The following LYN variants were observed in gnomAD, a reference collection of about 807,000 sequenced individuals.
LYN encodes the protein tyrosine-protein kinase Lyn.
In LYN, 12 loss-of-function variants were observed where a neutral mutation model predicts 65.0. The observed-to-expected ratio is 0.18, with a 90% CI of 0.12 to 0.30. LYN has a LOEUF of 0.30. Among genes scored for constraint, LYN ranks in the 10% least tolerant of loss-of-function variants. The pLI, the probability that LYN is intolerant of heterozygous loss-of-function variation, is 1.00. For missense variants in LYN, 380 were observed against 623.2 expected (o/e 0.61, Z 4.16); for synonymous variants, 222 against 221.2 (o/e 1.00, Z -0.03).
At chr8:56,005,346 C>T in intron 12 of LYN, among the ~76,000 whole-genome samples, 1 of 152,224 alleles carries the variant, frequency 6.6e-6, no homozygotes, top group East Asian at 1.9e-4. Flanking sequence ...ACACTTTCCC[C>T]ACCTCCACTT....
Position 55,909,639 on chromosome 8 carries a change from T to C in LYN, c.-6+29536T>C, listed in dbSNP as rs118170575. Among the ~76,000 whole-genome samples the C allele has an allele frequency of 3.8e-3, 584 of 152,360 alleles. 1 individual carries two copies. Among genetic ancestry groups the C allele is most frequent in the South Asian group, 7.0e-3 (34 of 4,828 alleles). On this transcript the variant is annotated intron_variant, in intron 1 of 12. Coordinates refer to ENST00000519728, the MANE Select transcript of LYN (RefSeq NM_002350.4). ...CCCAGCAGTGAGATTGCTGCATCAA[T>C]GGTAGTTCCAGTTTTCATTATTTGA... is the stretch of plus-strand genomic sequence containing the variant.
intron 1 of LYN, among the ~76,000 whole-genome samples, chr8:55,885,693 TATCTC>T (rs1804771771): frequency 6.6e-6 from 1 of 152,172 alleles, no homozygotes; most frequent in African/African-American, 2.4e-5. Flanking sequence ...TGGAGAAGCT[TATCTC>T]AGAGAGGCTC....
chr8:56,002,280 G>A (rs189096754), intron 12 of LYN, among the ~76,000 whole-genome samples: 11 of 152,224 alleles, frequency 7.2e-5, no homozygotes, highest in East Asian at 1.9e-4. Context: ...TTAGCCAGGC[G>A]TGGTGGCAGG....
At chr8:55,942,140 C>T in intron 2 of LYN, 149 bp downstream of exon 2, 1 of 806,256 alleles carries the variant, frequency 1.2e-6, no homozygotes, top group Non-Finnish European at 1.9e-6. Context: ...GTAACTTTAT[C>T]CTTTGAAGAA....
chr8:56,006,376 G>A (rs74384455), intron 12 of LYN, among the ~76,000 whole-genome samples: 4,139 of 152,206 alleles, frequency 0.027, 181 homozygotes, highest in African/African-American at 0.093. Flanking sequence ...TGTACTCCCA[G>A]GGTATCTAGC....
chr8:55,887,559 T>A (rs1251826708), intron 1 of LYN, among the ~76,000 whole-genome samples: 1 of 110,484 alleles, frequency 9.1e-6, no homozygotes, highest in African/African-American at 3.7e-5. Context: ...AAAATATAAA[T>A]ATATATATAT....
In LYN at chr8:55,980,938, C is replaced by T. The variant is rs562517911; in HGVS notation, c.1050+11145C>T. Among the ~76,000 whole-genome samples the T allele has an allele frequency of 9.2e-5, 14 of 152,324 alleles. No individual in the cohort carries two copies. In the East Asian group the frequency reaches 9.6e-4, roughly 10 times the overall value. Reference sequence around the variant, plus strand: ...TTGCCCACTCAATGCCAGCTCCCCGCGGCCGCTTGCTAGCCCCTGGCCACC... The same window carrying T: ...TTGCCCACTCAATGCCAGCTCCCCGTGGCCGCTTGCTAGCCCCTGGCCACC... On this transcript the variant is annotated intron_variant, in intron 10 of 12. Coordinates refer to ENST00000519728, the MANE Select transcript of LYN (RefSeq NM_002350.4).
At chr8:55,895,743 G>A (rs538266101) in intron 1 of LYN, 2 of 152,272 alleles carry the variant, frequency 1.3e-5, no homozygotes, top group South Asian at 4.1e-4. Flanking sequence ...AGTAATAACA[G>A]ATTTTTGTTT....
intron 12 of LYN, among the ~76,000 whole-genome samples, chr8:56,001,072 C>T (rs1338916428): frequency 1.3e-5 from 2 of 151,968 alleles, no homozygotes; most frequent in African/African-American, 4.8e-5. Flanking sequence ...TGGGGAGCTG[C>T]TGGTTTTATT....
chr8:55,908,497 A>C (rs998218181), intron 1 of LYN, among the ~76,000 whole-genome samples: 1 of 152,056 alleles, frequency 6.6e-6, no homozygotes, highest in African/African-American at 2.4e-5. Flanking sequence ...CGCCCACCTC[A>C]GCCTCCCAAA....
chr8:55,920,441 G>A (rs949728867), intron 1 of LYN, among the ~76,000 whole-genome samples: 2 of 152,128 alleles, frequency 1.3e-5, no homozygotes, highest in Admixed American at 1.3e-4. Context: ...GGACGGGGGC[G>A]GATAATGGGA....
rs1563504883 is a variant in LYN at position 55,909,030 on chromosome 8, CA to C, written c.-6+28928del. On this transcript the variant is annotated intron_variant, in intron 1 of 12. Transcript: ENST00000519728. ...ATATATACACACACACACACACACA[CA>C]CACACACACACACACACACACCCCA... Among the ~76,000 whole-genome samples, 96 of 48,546 alleles carry C rather than the reference CA, an allele frequency of 2.0e-3. 17 individuals are homozygous for C. The highest frequency in any genetic ancestry group is 8.0e-3 in the South Asian group (13 of 1,626). The allele number at this position is 48,546 out of a possible 152,430, so 31.8% of individuals were successfully genotyped here.
intron 11 of LYN, among the ~76,000 whole-genome samples, chr8:55,998,976 TTA>T (rs1239275464): frequency 6.6e-6 from 1 of 152,172 alleles, no homozygotes; most frequent in Admixed American, 6.6e-5. Context: ...ACATTCTGTA[TTA>T]TATATATGAA....
chr8:55,923,799 C>G (rs1440008966), intron 1 of LYN, among the ~76,000 whole-genome samples: 1 of 151,784 alleles, frequency 6.6e-6, no homozygotes, highest in Non-Finnish European at 1.5e-5. Context: ...CTCGGCCTCC[C>G]AATTGTTGGG....
intron 1 of LYN, among the ~76,000 whole-genome samples, chr8:55,890,497 T>C (rs1369296007): frequency 6.6e-6 from 1 of 152,172 alleles, no homozygotes; most frequent in Non-Finnish European, 1.5e-5. Flanking sequence ...TGTAAAATGC[T>C]ACAGCTATGA....
intron 2 of LYN, among the ~76,000 whole-genome samples, chr8:55,942,301 G>GTATATATGTGTATATATGTA (rs1206358363): frequency 2.1e-5 from 3 of 144,228 alleles, no homozygotes; most frequent in Non-Finnish European, 4.5e-5. Flanking sequence ...ATGTGTGTGT[G>GTATATATGTGTATATATGTA]TATATATGTG....
chr8:55,996,751 A>G (rs1314582207), intron 10 of LYN, among the ~76,000 whole-genome samples: 2 of 152,016 alleles, frequency 1.3e-5, no homozygotes, highest in Non-Finnish European at 2.9e-5. Context: ...TACACTTTCT[A>G]TTCAGCAACG....
intron 7 of LYN, among the ~76,000 whole-genome samples, chr8:55,952,684 G>T (rs963046751): frequency 6.6e-6 from 1 of 152,140 alleles, no homozygotes; most frequent in Non-Finnish European, 1.5e-5. Flanking sequence ...GACATTCAGT[G>T]TTCCACAATT....
chr8:55,893,814 C>G (rs1330768572), intron 1 of LYN: 1 of 151,324 alleles, frequency 6.6e-6, no homozygotes, highest in Non-Finnish European at 1.5e-5. Context: ...TTTTTAGAAG[C>G]AAGATCTCAC....
Sources: gnomAD v4.1 joint callset for allele counts (sites outside exome capture counted in the v4.1 genomes callset) on GRCh38, gnomAD v4.1.1 for gene constraint, MANE v1.5 for transcripts, NCBI Gene and HGNC (gene_info 2026-07-23, HGNC 2026-07-21) for gene names.